DGKA: variants seen among roughly 807,000 people sequenced by gnomAD.
The protein encoded by DGKA is diacylglycerol kinase alpha.
Under a neutral mutation model 105.0 loss-of-function variants are expected in DGKA, and 35 were observed. The ratio of observed to expected loss-of-function variants is 0.33; its 90% CI spans 0.25 to 0.44. The LOEUF is 0.44. DGKA is among the 20% of genes least tolerant of loss of function. DGKA has a pLI of 1.00. For missense variants in DGKA, 665 were observed against 915.0 expected, an observed-to-expected ratio of 0.73 and a Z score of 3.53; for synonymous variants, 296 against 332.0, an observed-to-expected ratio of 0.89 and a Z score of 1.18.
At position 55,953,750 on chromosome 12, in the gene DGKA, CT is replaced by C; in HGVS notation, c.2193del (p.Phe731LeufsTer4). 1 of 1,614,170 alleles carries C rather than the reference CT, an allele frequency of 6.2e-7. No homozygotes were observed. Among genetic ancestry groups the C allele is most frequent in the South Asian group, 1.1e-5 (1 of 91,080 alleles). ...GCCCACCCCCCCGCTCCACCAATTT[CT>C]TTGGCTTCTTGAGCTAAGGGGGACA... ...MGPPPRSTNF[F>X]GFLS On this transcript the variant is annotated frameshift_variant, in exon 24 of 24. Transcript: ENST00000331886. LOFTEE classifies it high-confidence loss of function.
chr12:55,952,663 C>G lies in DGKA; in HGVS notation c.1744-71C>G. ...TTTGTCATCTGGTGGAGGGAGCGATCACATCTATGATCATGCCATGAGGTG... is the reference window on the plus strand; with the variant it reads ...TTTGTCATCTGGTGGAGGGAGCGATGACATCTATGATCATGCCATGAGGTG... On this transcript the variant is annotated intron_variant, in intron 20 of 23. Transcript: ENST00000331886. This position sits in a 1 kb window ranked among gnomAD's most constrained non-coding sequence, Gnocchi z 5.1. The G allele has an allele frequency of 4.5e-6, 7 of 1,554,146 alleles. No homozygotes were observed. Among genetic ancestry groups the G allele is most frequent in the Non-Finnish European group, 6.2e-6 (7 of 1,129,912 alleles).
chr12:55,932,404 G>C lies in DGKA; in HGVS notation c.-82+1060G>C. On this transcript the variant is annotated intron_variant, in intron 1 of 23. Coordinates refer to ENST00000331886, the MANE Select transcript of DGKA (RefSeq NM_001345.5). This position sits in a 1 kb window ranked among gnomAD's most constrained non-coding sequence, Gnocchi z 4.3. ...CCCGGTTCCTGGGACCCGACTCGGA[G>C]GGAAGTCCTCTTCGGAACCTCCACA... 1.6e-6 allele frequency: 1 copy of C among 616,236 alleles called. No individual in the cohort carries two copies. Among genetic ancestry groups the C allele is most frequent in the Non-Finnish European group, 2.9e-6 (1 of 339,440 alleles). 38.2% of individuals were successfully genotyped at this position (616,236 alleles called of 1,614,324 possible).
upstream of DGKA, chr12:55,927,939 T>C (rs1412672127): frequency 2.3e-5 from 17 of 730,918 alleles, no homozygotes; most frequent in East Asian, 4.6e-4. Flanking sequence ...GGGTGAAAGC[T>C]TCTGGGCGGA....
At position 55,938,491 on chromosome 12, in the gene DGKA, C is replaced by T. The variant is rs758232701; in HGVS notation, c.350-20C>T. The T allele has an allele frequency of 2.2e-5, 35 of 1,613,416 alleles. No homozygotes were observed. The East Asian group carries it at 5.3e-4, about 25-fold the overall frequency. On this transcript the variant is annotated intron_variant, in intron 5 of 23. Transcript: ENST00000331886. ...GTATCTCTCACAAACTGACCCTGGC[C>T]CCCCTAAAACACCCCACAGTCACCT...
chr12:55,927,846 A>G (rs1244030313), upstream of DGKA: 2 of 1,492,654 alleles, frequency 1.3e-6, no homozygotes, highest in Non-Finnish European at 1.8e-6. Context: ...TCGGCGGCGA[A>G]GTGATGAGGG....
intron 9 of DGKA, chr12:55,939,792 A>G (rs1471727841): frequency 1.7e-6 from 1 of 585,946 alleles, no homozygotes. Context: ...AATAAAAAAT[A>G]TCTATTATGA....
Position 55,952,483 on chromosome 12 carries a change from A to C in DGKA, c.1743+52A>C. On this transcript the variant is annotated intron_variant, in intron 20 of 23. Transcript: ENST00000331886. The surrounding 1 kb of genome is among the most constrained non-coding windows in gnomAD (Gnocchi z 5.1). ...ATCCTTTTCAGCTTCTTAATAGCCA[A>C]GTTTCTCCCTCCATGGCACCCTTAG... The C allele has an allele frequency of 6.4e-7, 1 of 1,559,954 alleles. No individual in the cohort carries two copies. Among genetic ancestry groups the C allele is most frequent in the Non-Finnish European group, 8.8e-7 (1 of 1,130,850 alleles).
chr12:55,932,577 T>G lies in DGKA; in HGVS notation c.-82+1233T>G, dbSNP rs1180497083. ...CCTTGATAGGAGAAATGAGCCTTCC[T>G]GAGGAAGAATGGCAAATATTACTGG... On this transcript the variant is annotated intron_variant, in intron 1 of 23. Transcript: ENST00000331886. This position sits in a 1 kb window ranked among gnomAD's most constrained non-coding sequence, Gnocchi z 4.3. 5 of 702,200 alleles carry G rather than the reference T, an allele frequency of 7.1e-6. No homozygotes were observed. Among genetic ancestry groups the G allele is most frequent in the Non-Finnish European group, 1.3e-5 (5 of 384,826 alleles). The allele number at this position is 702,200 out of a possible 1,614,324, so 43.5% of individuals were successfully genotyped here.
chr12:55,947,304 C>CT lies in DGKA; in HGVS notation c.1427-4313dup, dbSNP rs1331719965. 7.9e-5 allele frequency among the ~76,000 whole-genome samples: 12 copies of CT among 152,088 alleles called. No individual in the cohort carries two copies. In the South Asian group the frequency reaches 2.5e-3, roughly 32 times the overall value. On this transcript the variant is annotated intron_variant, in intron 17 of 23. Transcript: ENST00000331886. ...CCAGCTGTGGAGACATTTTTAAAAC[C>CT]TTTTTTCTTCCCTGACTACAATTAT...
intron 23 of DGKA, 129 bp from the exon 24 acceptor site, chr12:55,953,555 GT>G: frequency 1.5e-6 from 2 of 1,334,136 alleles, no homozygotes; most frequent in Non-Finnish European, 2.1e-6. Context: ...TCAGCCCCTG[GT>G]TTCCCTATCG....
chr12:55,932,182 T>G lies in DGKA; in HGVS notation c.-82+838T>G. On this transcript the variant is annotated intron_variant, in intron 1 of 23. Transcript: ENST00000331886. This position sits in a 1 kb window ranked among gnomAD's most constrained non-coding sequence, Gnocchi z 4.3. Reference sequence around the variant, plus strand: ...CTCCCCCATCGGAAAAGGACAGGGGTAGGGAAGCCGAGGACCCACGGGCTG... The same window carrying G: ...CTCCCCCATCGGAAAAGGACAGGGGGAGGGAAGCCGAGGACCCACGGGCTG... 4.0e-6 allele frequency: 1 copy of G among 252,274 alleles called. No homozygotes were observed. Among genetic ancestry groups the G allele is most frequent in the East Asian group, 1.0e-4 (1 of 9,772 alleles). 15.6% of individuals were successfully genotyped at this position (252,274 alleles called of 1,614,324 possible). A position where few individuals can be genotyped will look rare whatever the true frequency, so the allele number is the denominator to read the frequency against.
chr12:55,938,060 G>A lies in DGKA; in HGVS notation c.349+8G>A. 2 of 1,613,478 alleles carry A rather than the reference G, an allele frequency of 1.2e-6. No homozygotes were observed. The highest frequency in any genetic ancestry group is 2.2e-5 in the South Asian group (2 of 91,046). ...CAGAAGACAAGTTAGAATGTGAGTT[G>A]CCCTTCTGAAGTGAGGTGGCAGGGC... On this transcript the variant is annotated splice_region_variant and intron_variant, in intron 5 of 23. Transcript: ENST00000331886.
Position 55,952,621 on chromosome 12 carries a change from A to C in DGKA, c.1744-113A>C, listed in dbSNP as rs1157726597. On this transcript the variant is annotated intron_variant, in intron 20 of 23. Transcript: ENST00000331886. The surrounding 1 kb of genome is among the most constrained non-coding windows in gnomAD (Gnocchi z 5.1). ...TATTTCCATTCCTTGCACACCTCCA[A>C]ATCCTGCCTTCTCCAGTTTGTCATC... 14 of 1,362,486 alleles carry C rather than the reference A, an allele frequency of 1.0e-5. No homozygotes were observed. The highest frequency in any genetic ancestry group is 1.5e-5 in the Non-Finnish European group (14 of 965,486). The allele number at this position is 1,362,486 out of a possible 1,614,324, so 84.4% of individuals were successfully genotyped here. A position where few individuals can be genotyped will look rare whatever the true frequency, so the allele number is the denominator to read the frequency against.
At chr12:55,927,745 C>T, upstream of DGKA, 1 of 1,539,652 alleles carries the variant, frequency 6.5e-7, no homozygotes, top group East Asian at 2.4e-5. Flanking sequence ...AGCCGCAGGG[C>T]TGCCGGCAGC....
rs1565744103 is a variant in DGKA, at chr12:55,940,942, A to G, written c.1063A>G (p.Met355Val). The G allele has an allele frequency of 1.2e-6, 2 of 1,614,042 alleles. No homozygotes were observed. The highest frequency in any genetic ancestry group is 1.7e-6 in the Non-Finnish European group (2 of 1,180,020). ...AAATAGCAAAACAAGCCAGAAGACC[A>G]TGGATGATTTAAATTTGAGCACCTC... ...RKNSKTSQKTMDDLNLSTSEA... is the reference protein window; with the variant it reads ...RKNSKTSQKTVDDLNLSTSEA... The change falls in exon 13 of 24, where the codon ATG (methionine) becomes GTG (valine). Residue 355 changes from methionine (M) to valine (V), a missense_variant. By Grantham distance (21) the Met-to-Val change is conservative. This residue lies in a region of DGKA where 504 missense variants were observed against 681.2 expected (regional missense o/e 0.74). Coordinates refer to ENST00000331886, the MANE Select transcript of DGKA (RefSeq NM_001345.5). This position sits in a 1 kb window ranked among gnomAD's most constrained non-coding sequence, Gnocchi z 4.3.
At chr12:55,948,685 C>A (rs950257881) in intron 17 of DGKA, among the ~76,000 whole-genome samples, 2 of 151,004 alleles carry the variant, frequency 1.3e-5, no homozygotes, top group African/African-American at 2.4e-5. Context: ...CCAGTGCACT[C>A]CAGCTTGGGC....
chr12:55,939,070 A>T, intron 7 of DGKA, 81 bp downstream of exon 7: 1 of 1,608,548 alleles, frequency 6.2e-7, no homozygotes, highest in Non-Finnish European at 8.5e-7. Flanking sequence ...CATCTCTGAC[A>T]GGCAACCTGG....
At chr12:55,951,948 G>C in intron 18 of DGKA, 87 bp from the exon 19 acceptor site, 1 of 1,527,260 alleles carries the variant, frequency 6.5e-7, no homozygotes, top group Non-Finnish European at 9.1e-7. Flanking sequence ...ACATGCTGTG[G>C]GGAGCAGCAT....
At chr12:55,941,422 C>T in intron 14 of DGKA, 88 bp from the exon 15 acceptor site, 1 of 1,582,048 alleles carries the variant, frequency 6.3e-7, no homozygotes. Context: ...GAGGGGCATA[C>T]CTTGAGGAAC....
Sources: gnomAD v4.1 joint callset for allele counts (sites outside exome capture counted in the v4.1 genomes callset) on GRCh38, gnomAD v4.1.1 for gene constraint, gnomAD v4.1.1 regional missense constraint, Gnocchi (gnomAD v3.1) non-coding constraint, MANE v1.5 for transcripts, NCBI Gene and HGNC (gene_info 2026-07-23, HGNC 2026-07-21) for gene names.